SMC5: variants seen among roughly 807,000 people sequenced by gnomAD.
SMC5 encodes the protein structural maintenance of chromosomes protein 5.
In SMC5, 88 loss-of-function variants were observed where a neutral mutation model predicts 148.3. That is an observed-to-expected ratio of 0.59 (90% CI 0.50 to 0.71). The LOEUF (loss-of-function observed/expected upper bound fraction) is 0.71, where lower values mean the gene tolerates loss of function less well. Among genes scored for constraint, SMC5 ranks in the 30% least tolerant of loss-of-function variants. The probability of loss-of-function intolerance (pLI) is 0.00; values close to 1 mark genes in which losing one functional copy is unlikely to be tolerated. For missense variants in SMC5, 1,142 were observed against 1,298.9 expected (o/e 0.88, Z 1.86); for synonymous variants, 421 against 432.8 (o/e 0.97, Z 0.34).
chr9:70,279,967 C>G (rs1587633457), intron 5 of SMC5, among the ~76,000 whole-genome samples: 1 of 152,044 alleles, frequency 6.6e-6, no homozygotes, highest in Non-Finnish European at 1.5e-5. Context: ...ATTGCTTTCT[C>G]TTAAACTGTG....
At chr9:70,269,511 G>A (rs1288884231) in intron 3 of SMC5, among the ~76,000 whole-genome samples, 1 of 152,098 alleles carries the variant, frequency 6.6e-6, no homozygotes, top group African/African-American at 2.4e-5. Flanking sequence ...GCCTGGGGAG[G>A]TAGAGGATGT....
rs1255082264 is a variant in SMC5, at chr9:70,303,205, AAC to A, written c.1465-2038_1465-2037del. Among the ~76,000 whole-genome samples the A allele has an allele frequency of 3.3e-5, 5 of 152,144 alleles. No individual in the cohort carries two copies. In the East Asian group the frequency reaches 9.7e-4, roughly 29 times the overall value. On this transcript the variant is annotated intron_variant, in intron 10 of 24. Coordinates refer to ENST00000361138, the MANE Select transcript of SMC5 (RefSeq NM_015110.4). Reference sequence around the variant, plus strand: ...TCACACCACTGCACTCAGCCTGGGCAACACAGAGTGAGACCCTGTCTCAAAAA... The same window carrying A: ...TCACACCACTGCACTCAGCCTGGGCAACAGAGTGAGACCCTGTCTCAAAAA...
chr9:70,272,300 A>G (rs979752236), intron 3 of SMC5, among the ~76,000 whole-genome samples: 5 of 152,212 alleles, frequency 3.3e-5, no homozygotes, highest in African/African-American at 7.2e-5. Context: ...GTAGCTTCCA[A>G]TTAAAATTAA....
chr9:70,267,256 T>A (rs939236755), intron 2 of SMC5, among the ~76,000 whole-genome samples: 2 of 152,220 alleles, frequency 1.3e-5, no homozygotes, highest in African/African-American at 2.4e-5. Flanking sequence ...CTACCTTTTT[T>A]AATATTTATC....
chr9:70,335,589 A>G lies in SMC5; in HGVS notation c.2398-8555A>G, dbSNP rs188411701. On this transcript the variant is annotated intron_variant, in intron 17 of 24. Transcript: ENST00000361138. ...GAATATTACTCTGCCACAATAAGAA[A>G]TGAATTACTGATGCACACATAAATG... Among the ~76,000 whole-genome samples the G allele has an allele frequency of 3.7e-3, 557 of 152,372 alleles. 4 individuals carry two copies. Among genetic ancestry groups the G allele is most frequent in the African/African-American group, 0.012 (499 of 41,586 alleles).
Position 70,346,603 on chromosome 9 carries a change from A to G in SMC5, c.2524-2A>G, listed in dbSNP as rs1335698242. On this transcript the variant is annotated splice_acceptor_variant, in intron 18 of 24. Coordinates refer to ENST00000361138, the MANE Select transcript of SMC5 (RefSeq NM_015110.4). LOFTEE classifies it high-confidence loss of function. Reference sequence around the variant, plus strand: ...TATTCTGGACCCATTCTACCAATTCAGCAAGTACCCACCATTCCAAATGGA... The same window carrying G: ...TATTCTGGACCCATTCTACCAATTCGGCAAGTACCCACCATTCCAAATGGA... The G allele has an allele frequency of 6.2e-7, 1 of 1,613,860 alleles. No individual in the cohort carries two copies. Among genetic ancestry groups the G allele is most frequent in the African/African-American group, 1.3e-5 (1 of 74,910 alleles).
intron 17 of SMC5, among the ~76,000 whole-genome samples, chr9:70,341,652 C>A (rs544906051): frequency 6.6e-6 from 1 of 152,262 alleles, no homozygotes; most frequent in East Asian, 1.9e-4. Flanking sequence ...TGCTATCAAA[C>A]CCATGTGCAT....
chr9:70,275,020 CTG>C (rs1336734441), intron 3 of SMC5, among the ~76,000 whole-genome samples: 1 of 152,048 alleles, frequency 6.6e-6, no homozygotes, highest in Non-Finnish European at 1.5e-5. Context: ...GATTTTCTCT[CTG>C]GGATCACTTT....
chr9:70,325,471 T>C (rs2036054092), intron 17 of SMC5, among the ~76,000 whole-genome samples: 1 of 152,208 alleles, frequency 6.6e-6, no homozygotes. Context: ...TGTAGAACAC[T>C]TAGAGATCAA....
intron 17 of SMC5, among the ~76,000 whole-genome samples, chr9:70,337,645 G>T (rs1406844264): frequency 1.3e-5 from 2 of 151,886 alleles, no homozygotes; most frequent in Admixed American, 6.6e-5. Flanking sequence ...TGCATTTTTA[G>T]TAGAGATCGT....
At chr9:70,288,838 G>C (rs1005949673) in intron 8 of SMC5, among the ~76,000 whole-genome samples, 3 of 151,854 alleles carry the variant, frequency 2.0e-5, no homozygotes, top group Non-Finnish European at 4.4e-5. Context: ...AGAATTTTTT[G>C]AGACTTTTTT....
intron 15 of SMC5, among the ~76,000 whole-genome samples, chr9:70,320,982 T>C (rs2035929078): frequency 6.6e-6 from 1 of 152,170 alleles, no homozygotes; most frequent in Non-Finnish European, 1.5e-5. Context: ...AATGACAGCA[T>C]GGTGAGAAAG....
intron 11 of SMC5, among the ~76,000 whole-genome samples, chr9:70,307,331 A>T (rs773477146): frequency 6.6e-6 from 1 of 152,122 alleles, no homozygotes; most frequent in Non-Finnish European, 1.5e-5. Context: ...TCTGTTCCTC[A>T]TGAAACCCAA....
chr9:70,323,655 A>G (rs2036005654), intron 16 of SMC5, 49 bp downstream of exon 16: 1 of 1,557,888 alleles, frequency 6.4e-7, no homozygotes, highest in African/African-American at 1.4e-5. Context: ...AATAGCGGGC[A>G]GATAAGATAG....
chr9:70,299,707 A>G (rs1369239592), intron 9 of SMC5, among the ~76,000 whole-genome samples: 1 of 151,812 alleles, frequency 6.6e-6, no homozygotes, highest in Non-Finnish European at 1.5e-5. Context: ...GAATGAAAAT[A>G]TTAATTTTTC....
chr9:70,354,238 T>A lies in SMC5; in HGVS notation c.*1907T>A, dbSNP rs2036861351. The A allele has an allele frequency of 6.5e-6, 1 of 152,712 alleles. No individual in the cohort carries two copies. Among genetic ancestry groups the A allele is most frequent in the Non-Finnish European group, 1.5e-5 (1 of 68,502 alleles). 9.5% of individuals were successfully genotyped at this position (152,712 alleles called of 1,614,324 possible). On this transcript the variant is annotated 3_prime_UTR_variant, in exon 25 of 25. Coordinates refer to ENST00000361138, the MANE Select transcript of SMC5 (RefSeq NM_015110.4). ...TTTTTTTGTTTGTTTGTTTGTTTGTTTTTTTGAGATGGAGTCTCACTCTGT... is the reference window on the plus strand; with the variant it reads ...TTTTTTTGTTTGTTTGTTTGTTTGTATTTTTGAGATGGAGTCTCACTCTGT...
chr9:70,338,511 GT>G (rs1017790863), intron 17 of SMC5, among the ~76,000 whole-genome samples: 8 of 151,696 alleles, frequency 5.3e-5, no homozygotes, highest in African/African-American at 1.9e-4. Context: ...TTTTGCACTC[GT>G]TTAACTGCCA....
intron 17 of SMC5, among the ~76,000 whole-genome samples, chr9:70,326,752 A>G (rs1229290233): frequency 1.3e-5 from 2 of 152,042 alleles, no homozygotes; most frequent in South Asian, 2.1e-4. Flanking sequence ...AGCTTAGTAA[A>G]AGCACAGTGA....
At chr9:70,352,112 T>A in intron 24 of SMC5, 79 bp from the exon 25 acceptor site, 1 of 1,240,580 alleles carries the variant, frequency 8.1e-7, no homozygotes, top group Non-Finnish European at 1.1e-6. Flanking sequence ...AATAATACAT[T>A]TGACTGTACA....
Sources: allele counts gnomAD v4.1 joint callset (sites outside exome capture counted in the v4.1 genomes callset), GRCh38; gene constraint gnomAD v4.1.1; transcripts MANE v1.5; gene names NCBI Gene and HGNC (gene_info 2026-07-23, HGNC 2026-07-21).